Variants in MACO1 observed in about 807,000 individuals in gnomAD.
MACO1 encodes macoilin.
MACO1 carries 14 observed loss-of-function variants against 78.7 expected under a neutral mutation model. That is an observed-to-expected ratio of 0.18 (90% CI 0.12 to 0.28). MACO1 has a LOEUF of 0.28. MACO1 is among the 10% of genes least tolerant of loss of function. MACO1 has a pLI of 1.00. For missense variants in MACO1, 501 were observed against 799.0 expected, an observed-to-expected ratio of 0.63 and a Z score of 4.50; for synonymous variants, 288 against 291.6, an observed-to-expected ratio of 0.99 and a Z score of 0.12.
chr1:25,482,832 C>G (rs1387995137), intron 6 of MACO1, among the ~76,000 whole-genome samples: 1 of 152,188 alleles, frequency 6.6e-6, no homozygotes, highest in Non-Finnish European at 1.5e-5. Flanking sequence ...CATAGTTGTA[C>G]AGATTATAGG....
At chr1:25,493,391 C>T (rs1452229484) in intron 10 of MACO1, among the ~76,000 whole-genome samples, 3 of 151,922 alleles carry the variant, frequency 2.0e-5, no homozygotes, top group Non-Finnish European at 4.4e-5. Flanking sequence ...TAGGCATGTG[C>T]CACCATGCCC....
At chr1:25,447,169 T>A (rs2043023311) in intron 2 of MACO1, among the ~76,000 whole-genome samples, 1 of 151,986 alleles carries the variant, frequency 6.6e-6, no homozygotes, top group Non-Finnish European at 1.5e-5. Context: ...GATGGCATAT[T>A]CCCTCCTCTT....
intron 6 of MACO1, among the ~76,000 whole-genome samples, chr1:25,480,929 A>AAAAAAAAATATAT (rs1553166539): frequency 2.1e-4 from 10 of 47,902 alleles, no homozygotes; most frequent in Non-Finnish European, 2.7e-4. Context: ...AAAAAAAAAA[A>AAAAAAAAATATAT]ATATATATAT....
chr1:25,496,314 A>G (rs2043536576), intron 10 of MACO1, among the ~76,000 whole-genome samples: 1 of 151,900 alleles, frequency 6.6e-6, no homozygotes. Flanking sequence ...AGTCTGGCTA[A>G]TTTTTGTATT....
chr1:25,462,546 G>C (rs935054224), intron 6 of MACO1, among the ~76,000 whole-genome samples: 11 of 152,088 alleles, frequency 7.2e-5, no homozygotes, highest in Non-Finnish European at 1.3e-4. Context: ...AAGTGTTGAA[G>C]ACAAAATTTG....
intron 1 of MACO1, 124 bp from the exon 2 acceptor site, chr1:25,446,638 A>G: frequency 2.1e-6 from 2 of 968,920 alleles, no homozygotes; most frequent in Non-Finnish European, 2.9e-6. Flanking sequence ...TTTGTGCTTT[A>G]TCTCCATTGT....
intron 6 of MACO1, among the ~76,000 whole-genome samples, chr1:25,463,479 T>C (rs1255132049): frequency 6.6e-6 from 1 of 152,236 alleles, no homozygotes; most frequent in Non-Finnish European, 1.5e-5. Context: ...ACCAGCTTGA[T>C]TTCTGAATTG....
intron 1 of MACO1, among the ~76,000 whole-genome samples, chr1:25,445,249 T>G (rs1406159374): frequency 6.6e-6 from 1 of 150,942 alleles, no homozygotes. Context: ...CTGTGAGCTA[T>G]GATCGTGCCA....
intron 6 of MACO1, among the ~76,000 whole-genome samples, chr1:25,482,865 C>G (rs2043392627): frequency 6.6e-6 from 1 of 152,176 alleles, no homozygotes; most frequent in African/African-American, 2.4e-5. Flanking sequence ...AGAACAGTGC[C>G]TGGCCCATAA....
rs1463789943 is a variant in MACO1 at position 25,438,324 on chromosome 1, T to C, written c.80+7146T>C. On this transcript the variant is annotated intron_variant, in intron 1 of 10. Coordinates refer to ENST00000374343, the MANE Select transcript of MACO1 (RefSeq NM_018202.6). ...ATAAGGGAATCAAAATTATGCTTCA[T>C]ATAATTGATAGTAATAATCTGCTTA... Among the ~76,000 whole-genome samples, 6 of 152,376 alleles carry C rather than the reference T, an allele frequency of 3.9e-5. No homozygotes were observed. In the East Asian group the frequency reaches 1.2e-3, roughly 29 times the overall value.
intron 9 of MACO1, among the ~76,000 whole-genome samples, chr1:25,490,297 A>C (rs1370383281): frequency 2.0e-5 from 3 of 152,216 alleles, no homozygotes; most frequent in Non-Finnish European, 4.4e-5. Flanking sequence ...ATATATAGCA[A>C]AATAGGCTGA....
chr1:25,464,338 CTTTTTTT>C (rs71014363), intron 6 of MACO1, among the ~76,000 whole-genome samples: 26 of 80,994 alleles, frequency 3.2e-4, no homozygotes, highest in East Asian at 2.1e-3. Context: ...TTTTTCTTCT[CTTTTTTT>C]TTTTTTTTTT....
chr1:25,454,400 G>GTC lies in MACO1; in HGVS notation c.473+19_473+20insCT, dbSNP rs2043096428. ...GCTCACTGGTAAGTATTACATAAAT[G>GTC]TATGTGTGTGTGTGTGTATATGTGT... is the stretch of plus-strand genomic sequence containing the variant. On this transcript the variant is annotated intron_variant, in intron 4 of 10. Transcript: ENST00000374343. 6.5e-7 allele frequency: 1 copy of GTC among 1,547,450 alleles called. No individual in the cohort carries two copies. The highest frequency in any genetic ancestry group is 1.2e-5 in the South Asian group (1 of 84,476).
At chr1:25,489,397 A>G in intron 9 of MACO1, 104 bp downstream of exon 9, 1 of 1,282,712 alleles carries the variant, frequency 7.8e-7, no homozygotes, top group Non-Finnish European at 1.1e-6. Flanking sequence ...ATATAGATCA[A>G]ATCTCATTGC....
chr1:25,490,693 A>G (rs548128051), intron 9 of MACO1, among the ~76,000 whole-genome samples: 6 of 152,346 alleles, frequency 3.9e-5, no homozygotes, highest in Admixed American at 6.5e-5. Context: ...TTGGTATGTA[A>G]ACATTCAGGA....
Position 25,498,898 on chromosome 1 carries a change from A to C in MACO1, c.*432A>C, listed in dbSNP as rs115750179. Reference sequence around the variant, plus strand: ...GATGATAATGAAAACTTTTAGTTTAAGAGTGAAGGGTTAAGTAACCTAACA... The same window carrying C: ...GATGATAATGAAAACTTTTAGTTTACGAGTGAAGGGTTAAGTAACCTAACA... On this transcript the variant is annotated 3_prime_UTR_variant, in exon 11 of 11. Transcript: ENST00000374343. The C allele has an allele frequency of 7.9e-3, 1,248 of 157,442 alleles. 20 individuals are homozygous for C. The highest frequency in any genetic ancestry group is 0.029 in the African/African-American group (1,194 of 41,686). The allele number at this position is 157,442 out of a possible 1,614,324, so 9.8% of individuals were successfully genotyped here. A position where few individuals can be genotyped will look rare whatever the true frequency, so the allele number is the denominator to read the frequency against.
At chr1:25,434,456 A>G (rs2042902472) in intron 1 of MACO1, among the ~76,000 whole-genome samples, 1 of 152,232 alleles carries the variant, frequency 6.6e-6, no homozygotes, top group Non-Finnish European at 1.5e-5. Flanking sequence ...CACATGGCTC[A>G]TTGTCTTCAA....
chr1:25,483,102 G>A (rs1237095756), intron 6 of MACO1, among the ~76,000 whole-genome samples: 1 of 152,328 alleles, frequency 6.6e-6, no homozygotes, highest in African/African-American at 2.4e-5. Flanking sequence ...CCAGGCTGGA[G>A]TGCAGTGGCA....
intron 9 of MACO1, among the ~76,000 whole-genome samples, chr1:25,490,867 T>G (rs922794359): frequency 1.3e-5 from 2 of 152,232 alleles, no homozygotes; most frequent in Non-Finnish European, 2.9e-5. Context: ...GTGTTGGTAT[T>G]ATGAGTAATT....
Sources: gnomAD v4.1 joint callset for allele counts (sites outside exome capture counted in the v4.1 genomes callset) on GRCh38, gnomAD v4.1.1 for gene constraint, MANE v1.5 for transcripts, NCBI Gene and HGNC (gene_info 2026-07-23, HGNC 2026-07-21) for gene names.